Variants in FOXK2 observed in about 807,000 individuals in gnomAD.
FOXK2 encodes forkhead box protein K2.
A neutral mutation model predicts 53.3 loss-of-function variants in FOXK2; 24 were observed. The observed-to-expected ratio is 0.45, with a 90% CI of 0.33 to 0.63. The LOEUF (loss-of-function observed/expected upper bound fraction) is 0.63, where lower values mean the gene tolerates loss of function less well. Among genes scored for constraint, FOXK2 ranks in the 30% least tolerant of loss-of-function variants. FOXK2 has a pLI of 0.03. For synonymous variants in FOXK2, 505 were observed against 407.1 expected (o/e 1.24, Z -2.89); for missense variants, 952 against 910.5 (o/e 1.05, Z -0.59).
Position 82,604,229 on chromosome 17 carries a change from A to G in FOXK2, c.*2730A>G, listed in dbSNP as rs1029277789. ...GCTTTGCCCTGAACCAAACGAGAAA[A>G]CAAAAGGGAACTCCCGTATGACCCA... On this transcript the variant is annotated 3_prime_UTR_variant, in exon 9 of 9. Coordinates refer to ENST00000335255, the MANE Select transcript of FOXK2 (RefSeq NM_004514.4). 1 of 152,196 alleles carries G rather than the reference A, an allele frequency of 6.6e-6. No individual in the cohort carries two copies. Among genetic ancestry groups the G allele is most frequent in the African/African-American group, 2.4e-5 (1 of 41,386 alleles). The allele number at this position is 152,196 out of a possible 1,614,324, so 9.4% of individuals were successfully genotyped here.
chr17:82,566,228 G>A (rs927030293), intron 2 of FOXK2, among the ~76,000 whole-genome samples: 1 of 151,638 alleles, frequency 6.6e-6, no homozygotes, highest in Non-Finnish European at 1.5e-5. Flanking sequence ...ATTTTATGTT[G>A]TGTGTATTTT....
intron 8 of FOXK2, among the ~76,000 whole-genome samples, chr17:82,590,906 C>T (rs942376476): frequency 3.3e-5 from 5 of 152,280 alleles, no homozygotes; most frequent in Admixed American, 2.0e-4. Flanking sequence ...CTCAGCACCA[C>T]GAGCAGATAG....
chr17:82,585,762 C>T (rs1420815993), intron 6 of FOXK2, 142 bp from the exon 7 acceptor site: 5 of 785,764 alleles, frequency 6.4e-6, no homozygotes, highest in Middle Eastern at 3.6e-4. Flanking sequence ...TTATTAGTAA[C>T]TTTACTATTG....
rs1281842131 is a variant in FOXK2 at position 82,599,807 on chromosome 17, C to T, written c.1787-1496C>T. On this transcript the variant is annotated intron_variant, in intron 8 of 8. Coordinates refer to ENST00000335255, the MANE Select transcript of FOXK2 (RefSeq NM_004514.4). Reference sequence around the variant, plus strand: ...CTGCGAGTAGGAGGCGGGTATTGCCCACGCCAGGGCCTGTGGTCTGAGAGG... The same window carrying T: ...CTGCGAGTAGGAGGCGGGTATTGCCTACGCCAGGGCCTGTGGTCTGAGAGG... 3 of 152,276 alleles carry T rather than the reference C, an allele frequency of 2.0e-5. No individual in the cohort carries two copies. In the East Asian group the frequency reaches 5.8e-4, roughly 29 times the overall value. The allele number at this position is 152,276 out of a possible 1,614,324, so 9.4% of individuals were successfully genotyped here.
At chr17:82,523,829 T>G (rs911092476) in intron 1 of FOXK2, among the ~76,000 whole-genome samples, 1 of 152,208 alleles carries the variant, frequency 6.6e-6, no homozygotes, top group South Asian at 2.1e-4. Context: ...ATGATACAAG[T>G]TCTTTTTAAG....
rs530152333 is a variant in FOXK2, at chr17:82,544,434, C to T, written c.420-18920C>T. ...GCACTGTGCTGGTACAGTACACACA[C>T]ACACGCCACCCAAAACCGTGGGCCC... On this transcript the variant is annotated intron_variant, in intron 1 of 8. Transcript: ENST00000335255. 2.0e-5 allele frequency among the ~76,000 whole-genome samples: 3 copies of T among 152,252 alleles called. No individual in the cohort carries two copies. In the South Asian group the frequency reaches 6.2e-4, roughly 32 times the overall value.
intron 1 of FOXK2, among the ~76,000 whole-genome samples, chr17:82,533,945 G>C (rs959209814): frequency 1.3e-5 from 2 of 150,782 alleles, no homozygotes; most frequent in African/African-American, 4.9e-5. Context: ...GCTATAGGGA[G>C]CCGAGATCAC....
chr17:82,586,753 CA>C (rs1246007493), intron 7 of FOXK2, among the ~76,000 whole-genome samples: 3 of 152,000 alleles, frequency 2.0e-5, no homozygotes, highest in African/African-American at 7.3e-5. Context: ...AATACAAAAT[CA>C]GCTGGGCATG....
Position 82,601,430 on chromosome 17 carries a change from G to A in FOXK2, c.1914G>A (p.Glu638=). 1 of 1,612,834 alleles carries A rather than the reference G, an allele frequency of 6.2e-7. No individual in the cohort carries two copies. The highest frequency in any genetic ancestry group is 8.5e-7 in the Non-Finnish European group (1 of 1,180,008). The part of the protein sequence containing the change: ...ELKRIKTEDG[E]GIVIALSVDT... ...AGCGGATCAAGACAGAAGACGGCGA[G>A]GGCATCGTCATTGCCCTGAGCGTGG... The change falls in exon 9 of 9, where the codon GAG becomes GAA. Residue 638 remains glutamate (E), a synonymous_variant. Coordinates refer to ENST00000335255, the MANE Select transcript of FOXK2 (RefSeq NM_004514.4).
At chr17:82,560,617 G>T (rs7220245) in intron 1 of FOXK2, among the ~76,000 whole-genome samples, 3 of 151,994 alleles carry the variant, frequency 2.0e-5, no homozygotes, top group Non-Finnish European at 2.9e-5. Context: ...CTTCTCTCTT[G>T]GTCTTCGTTG....
At chr17:82,547,980 T>C (rs2044643048) in intron 1 of FOXK2, among the ~76,000 whole-genome samples, 1 of 152,246 alleles carries the variant, frequency 6.6e-6, no homozygotes, top group Non-Finnish European at 1.5e-5. Context: ...GGGCGGCAGC[T>C]GAGTGGATTC....
At chr17:82,537,291 TA>T (rs1473495875) in intron 1 of FOXK2, among the ~76,000 whole-genome samples, 2 of 152,192 alleles carry the variant, frequency 1.3e-5, no homozygotes, top group Non-Finnish European at 2.9e-5. Flanking sequence ...TTATTAAATT[TA>T]AAAATATTGT....
At chr17:82,593,144 T>A (rs1028876820) in intron 8 of FOXK2, among the ~76,000 whole-genome samples, 9 of 150,546 alleles carry the variant, frequency 6.0e-5, no homozygotes, top group Admixed American at 2.6e-4. Flanking sequence ...AAGGTCTCCC[T>A]GCACCGGGCA....
chr17:82,525,240 G>A (rs1032921842), intron 1 of FOXK2, among the ~76,000 whole-genome samples: 1 of 152,104 alleles, frequency 6.6e-6, no homozygotes, highest in African/African-American at 2.4e-5. Context: ...CGCAGTCTCA[G>A]CTCACTGCAG....
chr17:82,522,652 T>C (rs1453866271), intron 1 of FOXK2, among the ~76,000 whole-genome samples: 1 of 151,930 alleles, frequency 6.6e-6, no homozygotes, highest in African/African-American at 2.4e-5. Context: ...ATTACAGGCA[T>C]GAGCCACTGT....
chr17:82,532,481 G>GA (rs1169623322), intron 1 of FOXK2, among the ~76,000 whole-genome samples: 1 of 151,684 alleles, frequency 6.6e-6, no homozygotes, highest in Non-Finnish European at 1.5e-5. Context: ...TCAGGTAAAA[G>GA]AAAAAAATTG....
chr17:82,532,866 C>T (rs2044485631), intron 1 of FOXK2, among the ~76,000 whole-genome samples: 1 of 152,194 alleles, frequency 6.6e-6, no homozygotes, highest in Non-Finnish European at 1.5e-5. Context: ...CCGCGCCTGA[C>T]CACAAAAATA....
In FOXK2 at chr17:82,586,076, T is replaced by G; in HGVS notation, c.1452T>G (p.Ser484Arg). The G allele has an allele frequency of 6.2e-7, 1 of 1,612,752 alleles. No homozygotes were observed. The highest frequency in any genetic ancestry group is 8.5e-7 in the Non-Finnish European group (1 of 1,179,966). Reference sequence around the variant, plus strand: ...AGATCCCAGCGGTGTCGGTCACCAGTGTGGCCGGACTGGCCCCAGCGAACA... The same window carrying G: ...AGATCCCAGCGGTGTCGGTCACCAGGGTGGCCGGACTGGCCCCAGCGAACA... ...VHQIPAVSVT[S>R]VAGLAPANTY... Residue 484 changes from serine (S) to arginine (R), a missense_variant, in exon 7 of 9, where the codon AGT becomes AGG. Transcript: ENST00000335255.
At chr17:82,529,017 A>C (rs1489089884) in intron 1 of FOXK2, among the ~76,000 whole-genome samples, 1 of 152,182 alleles carries the variant, frequency 6.6e-6, no homozygotes, top group Non-Finnish European at 1.5e-5. Context: ...CAGGGATGCC[A>C]CTGAAAAATC....
Sources: allele counts gnomAD v4.1 joint callset (sites outside exome capture counted in the v4.1 genomes callset), GRCh38; gene constraint gnomAD v4.1.1; transcripts MANE v1.5; gene names NCBI Gene and HGNC (gene_info 2026-07-23, HGNC 2026-07-21).